Variants in NRP1 observed in about 807,000 individuals in gnomAD.
NRP1 encodes the protein neuropilin 1.
A neutral mutation model predicts 106.7 loss-of-function variants in NRP1; 35 were observed. The observed-to-expected ratio is 0.33, with a 90% CI of 0.25 to 0.43. The LOEUF (loss-of-function observed/expected upper bound fraction) is 0.43, where lower values mean the gene tolerates loss of function less well. Among genes scored for constraint, NRP1 ranks in the 20% least tolerant of loss-of-function variants. The probability of loss-of-function intolerance (pLI) is 1.00; values close to 1 mark genes in which losing one functional copy is unlikely to be tolerated. For missense variants in NRP1, 1,024 were observed against 1,170.4 expected, an observed-to-expected ratio of 0.87 and a Z score of 1.83; for synonymous variants, 437 against 417.9, an observed-to-expected ratio of 1.05 and a Z score of -0.56.
At chr10:33,261,038 C>A (rs1297495337) in intron 4 of NRP1, among the ~76,000 whole-genome samples, 1 of 146,188 alleles carries the variant, frequency 6.8e-6, no homozygotes, top group Non-Finnish European at 1.5e-5. Flanking sequence ...TTTATTTTGC[C>A]TAAAAAAGAA....
intron 2 of NRP1, among the ~76,000 whole-genome samples, chr10:33,305,081 T>C (rs935620073): frequency 3.3e-5 from 5 of 152,194 alleles, no homozygotes; most frequent in Non-Finnish European, 7.4e-5. Context: ...CCATAGCACA[T>C]GGGGAGGAGA....
At chr10:33,290,103 T>C (rs1465258701) in intron 2 of NRP1, among the ~76,000 whole-genome samples, 2 of 152,208 alleles carry the variant, frequency 1.3e-5, no homozygotes, top group African/African-American at 2.4e-5. Context: ...TCCATTGAAA[T>C]GGAATATAAG....
chr10:33,304,705 C>T (rs895910775), intron 2 of NRP1, among the ~76,000 whole-genome samples: 6 of 152,156 alleles, frequency 3.9e-5, no homozygotes, highest in African/African-American at 1.4e-4. Flanking sequence ...ATTCAACAGT[C>T]GACTCCTCCC....
chr10:33,289,667 G>A (rs1274621211), intron 2 of NRP1, among the ~76,000 whole-genome samples: 1 of 152,122 alleles, frequency 6.6e-6, no homozygotes, highest in Admixed American at 6.5e-5. Flanking sequence ...ATACACATAC[G>A]AATGGTAAGT....
chr10:33,183,336 A>T (rs71495021), intron 15 of NRP1, among the ~76,000 whole-genome samples: 683 of 129,230 alleles, frequency 5.3e-3, no homozygotes, highest in Non-Finnish European at 8.1e-3. Flanking sequence ...CAACAAATTT[A>T]AAAAAAAAAA....
chr10:33,198,145 T>TTTTA (rs1219474581), intron 11 of NRP1, among the ~76,000 whole-genome samples: 38 of 62,012 alleles, frequency 6.1e-4, no homozygotes, highest in South Asian at 1.8e-3. Flanking sequence ...AATTTTTAAA[T>TTTTA]TTTTTTTTTT....
chr10:33,254,172 C>A lies in NRP1; in HGVS notation c.837G>T (p.Leu279=). The A allele has an allele frequency of 1.9e-6, 3 of 1,612,060 alleles. No homozygotes were observed. Among genetic ancestry groups the A allele is most frequent in the Non-Finnish European group, 2.5e-6 (3 of 1,179,558 alleles). The change falls in exon 6 of 17, where the codon CTG becomes CTT. Residue 279 remains leucine (L), a synonymous_variant. Coordinates refer to ENST00000374867, the MANE Select transcript of NRP1 (RefSeq NM_003873.7). ...VSEDFKCMEA[L]GMESGEIHSD... ...AATGAATTTCTCCTGATTCCATGCC[C>A]AGAGCTTCCATACATTTGAAATCTG...
intron 2 of NRP1, among the ~76,000 whole-genome samples, chr10:33,275,587 A>C (rs950729173): frequency 4.0e-5 from 6 of 150,804 alleles, no homozygotes; most frequent in African/African-American, 1.5e-4. Context: ...AACGAAAACA[A>C]CACCAACCAA....
intron 11 of NRP1, chr10:33,201,742 A>C (rs1306324288): frequency 4.6e-5 from 7 of 152,172 alleles, no homozygotes; most frequent in African/African-American, 1.4e-4. Context: ...GGAGAGAGAC[A>C]GCTTTAGGAG....
At chr10:33,291,049 T>C (rs1219461498) in intron 2 of NRP1, among the ~76,000 whole-genome samples, 1 of 152,090 alleles carries the variant, frequency 6.6e-6, no homozygotes, top group Non-Finnish European at 1.5e-5. Context: ...AATAGCACTT[T>C]TAGGAGGGGA....
chr10:33,251,190 G>A (rs1841831667), intron 6 of NRP1, among the ~76,000 whole-genome samples: 1 of 152,112 alleles, frequency 6.6e-6, no homozygotes, highest in Admixed American at 6.5e-5. Context: ...AAGATGGTTT[G>A]GAAGTTCCTC....
intron 2 of NRP1, among the ~76,000 whole-genome samples, chr10:33,307,016 T>C: frequency 6.6e-6 from 1 of 152,254 alleles, no homozygotes; most frequent in Non-Finnish European, 1.5e-5. Flanking sequence ...GACTTTTCCA[T>C]ACTCTGCATA....
At chr10:33,196,575 T>C (rs1455184226) in intron 12 of NRP1, among the ~76,000 whole-genome samples, 1 of 152,226 alleles carries the variant, frequency 6.6e-6, no homozygotes, top group Non-Finnish European at 1.5e-5. Flanking sequence ...ATTTAGGCAG[T>C]GACTCTTCTG....
Position 33,307,083 on chromosome 10 carries a change from A to T in NRP1, c.248+23625T>A, listed in dbSNP as rs938042361. Among the ~76,000 whole-genome samples the T allele has an allele frequency of 1.2e-4, 18 of 152,224 alleles. 1 individual carries two copies. The highest frequency in any genetic ancestry group is 2.5e-4 in the Non-Finnish European group (17 of 68,046). On this transcript the variant is annotated intron_variant, in intron 2 of 16. Transcript: ENST00000374867. The stretch of plus-strand genomic sequence containing the variant: ...TTGCTTAGTTTCCAAATCGCTTTGC[A>T]ACAAAAGCAGATTTACTCCCTTCCC...
At chr10:33,318,154 G>C (rs1234874302) in intron 2 of NRP1, among the ~76,000 whole-genome samples, 1 of 152,120 alleles carries the variant, frequency 6.6e-6, no homozygotes, top group Non-Finnish European at 1.5e-5. Flanking sequence ...TTTTGTTTCG[G>C]AATTAAAGCT....
chr10:33,322,386 T>A (rs891345026), intron 2 of NRP1, among the ~76,000 whole-genome samples: 16 of 152,142 alleles, frequency 1.1e-4, no homozygotes, highest in Admixed American at 5.2e-4. Flanking sequence ...TTTGTTTTTT[T>A]AAAAACTGAA....
At chr10:33,270,985 C>G (rs1348963093) in intron 2 of NRP1, 129 bp from the exon 3 acceptor site, 11 of 680,696 alleles carry the variant, frequency 1.6e-5, no homozygotes, top group Non-Finnish European at 2.6e-5. Context: ...GCATTCATCA[C>G]TGCATTAAAT....
In NRP1 at chr10:33,270,656, C is replaced by CCGTA; in HGVS notation, c.430+15_430+18dup. Reference sequence around the variant, plus strand: ...TGAACTCTTAGTCATTCTTGTTCTACCGTAAGCTGTTCACTCACCTCTCTT... The same window carrying CCGTA: ...TGAACTCTTAGTCATTCTTGTTCTACCGTACGTAAGCTGTTCACTCACCTCTCTT... On this transcript the variant is annotated intron_variant, in intron 3 of 16. Coordinates refer to ENST00000374867, the MANE Select transcript of NRP1 (RefSeq NM_003873.7). The CCGTA allele has an allele frequency of 6.3e-7, 1 of 1,599,448 alleles. No individual in the cohort carries two copies. The highest frequency in any genetic ancestry group is 2.2e-5 in the East Asian group (1 of 44,612).
At position 33,213,336 on chromosome 10, in the gene NRP1, T is replaced by C. The variant is rs200458166; in HGVS notation, c.1614+50A>G. ...TCGGGAGAATGCCAGAGGCCCTTGATTGAAGTCAAGGACATAAGGGATGAC... is the reference window on the plus strand; with the variant it reads ...TCGGGAGAATGCCAGAGGCCCTTGACTGAAGTCAAGGACATAAGGGATGAC... On this transcript the variant is annotated intron_variant, in intron 9 of 16. Coordinates refer to ENST00000374867, the MANE Select transcript of NRP1 (RefSeq NM_003873.7). 345 of 1,614,142 alleles carry C rather than the reference T, an allele frequency of 2.1e-4. 1 individual carries two copies. The highest frequency in any genetic ancestry group is 1.8e-3 in the Middle Eastern group (11 of 6,062).
Sources: gnomAD v4.1 joint callset for allele counts (sites outside exome capture counted in the v4.1 genomes callset) on GRCh38, gnomAD v4.1.1 for gene constraint, MANE v1.5 for transcripts, NCBI Gene and HGNC (gene_info 2026-07-23, HGNC 2026-07-21) for gene names.